The following CLEC12A variants were observed in gnomAD, a reference collection of about 807,000 sequenced individuals.
CLEC12A encodes the protein C-type lectin protein CLL-1.
In CLEC12A, 22 loss-of-function variants were observed where a neutral mutation model predicts 26.5. The observed-to-expected ratio is 0.83, with a 90% CI of 0.59 to 1.19. The LOEUF is 1.19. Ranked by LOEUF, CLEC12A falls within the 50% of genes most tolerant of loss-of-function variation. The pLI, the probability that CLEC12A is intolerant of heterozygous loss-of-function variation, is 0.00. For synonymous variants in CLEC12A, 119 were observed against 101.9 expected, an observed-to-expected ratio of 1.17 and a Z score of -1.01; for missense variants, 353 against 315.6, an observed-to-expected ratio of 1.12 and a Z score of -0.90.
At chr12:9,996,551 G>C (rs1365742457), downstream of CLEC12A, among the ~76,000 whole-genome samples, 1 of 152,008 alleles carries the variant, frequency 6.6e-6, no homozygotes, top group East Asian at 1.9e-4. Flanking sequence ...GAACAACAGA[G>C]GACACAAATA....
chr12:9,969,104 G>A (rs923207827), upstream of CLEC12A, among the ~76,000 whole-genome samples: 2 of 152,156 alleles, frequency 1.3e-5, no homozygotes, highest in African/African-American at 2.4e-5. Flanking sequence ...AGAAAGGGGT[G>A]GTGGGGGATA....
intron 1 of CLEC12A, among the ~76,000 whole-genome samples, chr12:9,961,947 G>A (rs2137106899): frequency 6.6e-6 from 1 of 152,304 alleles, no homozygotes; most frequent in Non-Finnish European, 1.5e-5. Context: ...GTGCTAATAG[G>A]AAGAATAGGC....
intron 4 of CLEC12A, 123 bp downstream of exon 4, chr12:9,980,856 T>C: frequency 5.3e-6 from 5 of 942,016 alleles, no homozygotes; most frequent in Non-Finnish European, 7.9e-6. Flanking sequence ...ACTGAAACTT[T>C]GTACACTTAT....
chr12:9,963,048 A>T (rs471521), intron 1 of CLEC12A, among the ~76,000 whole-genome samples: 48,762 of 152,006 alleles, frequency 0.32, 8,374 homozygotes, highest in East Asian at 0.46. Flanking sequence ...GATATTGTGG[A>T]GTTGCTAGAA....
At chr12:9,997,537 C>G (rs181441498), downstream of CLEC12A, among the ~76,000 whole-genome samples, 1 of 152,292 alleles carries the variant, frequency 6.6e-6, no homozygotes, top group East Asian at 1.9e-4. Context: ...ACATCGATAA[C>G]ATCCCCAGAG....
intron 1 of CLEC12A, among the ~76,000 whole-genome samples, chr12:9,959,976 G>C (rs778275258): frequency 1.3e-5 from 2 of 152,148 alleles, no homozygotes; most frequent in African/African-American, 4.8e-5. Flanking sequence ...CTTCATTTCT[G>C]TATGGACTTG....
intron 1 of CLEC12A, among the ~76,000 whole-genome samples, chr12:9,973,684 A>G (rs543292299): frequency 9.2e-5 from 14 of 152,088 alleles, no homozygotes; most frequent in Middle Eastern, 3.4e-3. Context: ...CCATGTCCTT[A>G]CTGATACTCT....
At chr12:9,986,031 AG>A (rs1864757438), downstream of CLEC12A, 1 of 344,604 alleles carries the variant, frequency 2.9e-6, no homozygotes, top group African/African-American at 2.2e-5. Flanking sequence ...CTGGGCCTAG[AG>A]GGAAGGGGGC....
the CLEC12A span, among the ~76,000 whole-genome samples, chr12:10,003,482 T>C: frequency 6.6e-6 from 1 of 152,094 alleles, no homozygotes; most frequent in South Asian, 2.1e-4. Context: ...TAACAATGAA[T>C]TGGATTAAGA....
At chr12:10,002,173 G>A in the CLEC12A span, among the ~76,000 whole-genome samples, 49 of 151,924 alleles carry the variant, frequency 3.2e-4, no homozygotes, top group African/African-American at 1.1e-3. Flanking sequence ...TAGCTACCGC[G>A]CCTGGCCTAA....
the CLEC12A span, among the ~76,000 whole-genome samples, chr12:10,003,080 G>A: frequency 3.3e-5 from 5 of 152,296 alleles, no homozygotes; most frequent in East Asian, 9.7e-4. Context: ...AAGGAAGTGA[G>A]TATTTTGCAA....
intron 1 of CLEC12A, among the ~76,000 whole-genome samples, chr12:9,975,153 G>T (rs1864287075): frequency 6.6e-6 from 1 of 152,134 alleles, no homozygotes; most frequent in South Asian, 2.1e-4. Context: ...GTCTTTATCA[G>T]TCGTGTGAAA....
chr12:9,964,415 A>G (rs147206585), intron 1 of CLEC12A, among the ~76,000 whole-genome samples: 2 of 152,226 alleles, frequency 1.3e-5, no homozygotes, highest in Admixed American at 1.3e-4. Flanking sequence ...AGAATGAGTA[A>G]TGTTTATAGT....
rs1179298341 is a variant in CLEC12A at position 9,985,430 on chromosome 12, A to G, written c.*404A>G. On this transcript the variant is annotated 3_prime_UTR_variant, in exon 6 of 6. Transcript: ENST00000304361. ...TGGCATGGCTCCCCATCTCGGGTCC[A>G]TCCTATACTTCCATGGGACTCCCTA... is the stretch of plus-strand genomic sequence containing the variant. 2 of 400,604 alleles carry G rather than the reference A, an allele frequency of 5.0e-6. No individual in the cohort carries two copies. The highest frequency in any genetic ancestry group is 2.1e-5 in the African/African-American group (1 of 48,666). 24.8% of individuals were successfully genotyped at this position (400,604 alleles called of 1,614,324 possible).
upstream of CLEC12A, among the ~76,000 whole-genome samples, chr12:9,969,849 T>C (rs1864063353): frequency 6.6e-6 from 1 of 152,226 alleles, no homozygotes; most frequent in South Asian, 2.1e-4. Context: ...ACCAGAGACT[T>C]TGATGGTCTC....
intron 1 of CLEC12A, among the ~76,000 whole-genome samples, chr12:9,959,529 T>C (rs1317264937): frequency 6.6e-6 from 1 of 152,148 alleles, no homozygotes; most frequent in Admixed American, 6.5e-5. Context: ...TGAGTTTTAA[T>C]GGTAATGAGT....
intron 5 of CLEC12A, 69 bp from the exon 6 acceptor site, chr12:9,984,801 A>T: frequency 2.3e-6 from 3 of 1,304,588 alleles, no homozygotes; most frequent in Non-Finnish European, 2.0e-6. Context: ...TGGAAGTGTA[A>T]TTTTTTTTTC....
downstream of CLEC12A, chr12:9,996,941 C>CTT: frequency 6.2e-7 from 1 of 1,614,080 alleles, no homozygotes; most frequent in Non-Finnish European, 8.5e-7. Flanking sequence ...CTGAAGAACC[C>CTT]ATAGCAGCTA....
At chr12:9,993,307 A>G in intron 4 of CLEC12A, 14 of 1,606,642 alleles carry the variant, frequency 8.7e-6, no homozygotes, top group Non-Finnish European at 1.2e-5. Context: ...GAAAGTTAGA[A>G]TAAATTCCTT....
Sources: allele counts gnomAD v4.1 joint callset (sites outside exome capture counted in the v4.1 genomes callset), GRCh38; gene constraint gnomAD v4.1.1; transcripts MANE v1.5; gene names NCBI Gene and HGNC (gene_info 2026-07-23, HGNC 2026-07-21).